The following GABRA3 variants were observed in gnomAD, a reference collection of about 807,000 sequenced individuals.
The protein encoded by GABRA3 is gamma-aminobutyric acid type A receptor subunit alpha3.
Under a neutral mutation model 30.1 loss-of-function variants are expected in GABRA3, and 10 were observed. That is an observed-to-expected ratio of 0.33 (90% confidence interval 0.20 to 0.56). The LOEUF (loss-of-function observed/expected upper bound fraction) is 0.56. Among genes scored for constraint, GABRA3 ranks in the 20% least tolerant of loss-of-function variants. The probability of loss-of-function intolerance (pLI) is 0.89; values close to 1 mark genes in which losing one functional copy is unlikely to be tolerated. For synonymous variants in GABRA3, 151 were observed against 146.8 expected, an observed-to-expected ratio of 1.03 and a Z score of -0.21; for missense variants, 233 against 392.0, an observed-to-expected ratio of 0.59 and a Z score of 3.42.
intron 3 of GABRA3, among the ~76,000 whole-genome samples, chrX:152,329,156 T>G: frequency 9.0e-6 from 1 of 111,628 alleles, no homozygotes; most frequent in Non-Finnish European, 1.9e-5. Context: ...GAAGGACCTC[T>G]TCAAGGAGAA....
At chrX:152,349,517 G>A (rs1259417039) in intron 2 of GABRA3, among the ~76,000 whole-genome samples, 7 of 109,287 alleles carry the variant, frequency 6.4e-5, no homozygotes, top group Non-Finnish European at 7.6e-5. Context: ...TGGCAAATTG[G>A]ATAAAGAGTC....
At chrX:152,380,134 C>A (rs1346926678) in intron 1 of GABRA3, among the ~76,000 whole-genome samples, 1 of 111,949 alleles carries the variant, frequency 8.9e-6, no homozygotes, top group East Asian at 2.8e-4. Context: ...TTTACTCCTT[C>A]ATTTTGAAAT....
At position 152,284,716 on chromosome X, in the gene GABRA3, C is replaced by A; in HGVS notation, c.282G>T (p.Lys94Asn). 1 of 1,190,656 alleles carries A rather than the reference C, an allele frequency of 8.4e-7. No individual in the cohort carries two copies. Among genetic ancestry groups the A allele is most frequent in the South Asian group, 1.8e-5 (1 of 56,313 alleles). The change falls in exon 4 of 10, where the codon AAG (lysine) becomes AAT (asparagine). Residue 94 changes from lysine (K) to asparagine (N), a missense_variant. Lys to Asn is a moderately conservative substitution (Grantham distance 94). Coordinates refer to ENST00000370314, the MANE Select transcript of GABRA3 (RefSeq NM_000808.4). ...PGLGDAVTEVKTDIYVTSFGP... is the reference protein window; with the variant it reads ...PGLGDAVTEVNTDIYVTSFGP... ...CAAAACTGGTCACGTAGATGTCAGT[C>A]TTCACTTCAGTCACTGCATCTGCGT... is the stretch of plus-strand genomic sequence containing the variant.
intron 9 of GABRA3, chrX:152,171,564 A>C (rs1445767358): frequency 8.8e-6 from 1 of 113,520 alleles, no homozygotes; most frequent in East Asian, 2.8e-4. Flanking sequence ...GACTGAGATG[A>C]CTTAACTTTG....
intron 5 of GABRA3, among the ~76,000 whole-genome samples, chrX:152,245,009 A>G (rs1938440473): frequency 3.6e-5 from 4 of 111,541 alleles, no homozygotes; most frequent in Non-Finnish European, 5.7e-5. Flanking sequence ...AGGTTCCCAC[A>G]CTAACTAGAA....
intron 3 of GABRA3, among the ~76,000 whole-genome samples, chrX:152,286,738 C>T (rs1939303800): frequency 8.9e-6 from 1 of 111,770 alleles, no homozygotes; most frequent in Non-Finnish European, 1.9e-5. Flanking sequence ...GGCCACTACA[C>T]TCATCCATAA....
chrX:152,304,832 G>C (rs1227080188), intron 3 of GABRA3, among the ~76,000 whole-genome samples: 2 of 111,541 alleles, frequency 1.8e-5, no homozygotes, highest in African/African-American at 6.5e-5. Context: ...AATTTTTCAA[G>C]TTCTGTGAAA....
At chrX:152,228,319 C>A (rs1938004288) in intron 5 of GABRA3, among the ~76,000 whole-genome samples, 1 of 111,879 alleles carries the variant, frequency 8.9e-6, no homozygotes, top group African/African-American at 3.2e-5. Flanking sequence ...CAAACATTTG[C>A]TTTTTCTGTC....
chrX:152,254,772 G>A (rs1344853526), intron 5 of GABRA3, among the ~76,000 whole-genome samples: 1 of 111,559 alleles, frequency 9.0e-6, no homozygotes, highest in African/African-American at 3.3e-5. Context: ...TTTGAGGTTT[G>A]TTCTGCAAAA....
intron 5 of GABRA3, among the ~76,000 whole-genome samples, chrX:152,226,411 C>T (rs1937955480): frequency 9.0e-6 from 1 of 111,439 alleles, no homozygotes; most frequent in African/African-American, 3.3e-5. Flanking sequence ...AAACCTAAGA[C>T]CTAAAACCAT....
chrX:152,293,855 G>C lies in GABRA3; in HGVS notation c.263-9120C>G, dbSNP rs150333152. 2.4e-3 allele frequency among the ~76,000 whole-genome samples: 272 copies of C among 111,476 alleles called. 2 individuals carry two copies. Among genetic ancestry groups the C allele is most frequent in the Non-Finnish European group, 4.3e-3 (226 of 53,100 alleles). On this transcript the variant is annotated intron_variant, in intron 3 of 9. Coordinates refer to ENST00000370314, the MANE Select transcript of GABRA3 (RefSeq NM_000808.4). ...AAAATCTCTCAGCATTTGCCTCTCT[G>C]TAAAGGATTTTATTTCTCCTTCAGT...
At chrX:152,190,764 A>G (rs764073566) in intron 8 of GABRA3, among the ~76,000 whole-genome samples, 87 of 110,234 alleles carry the variant, frequency 7.9e-4, no homozygotes, top group Non-Finnish European at 1.3e-3. Flanking sequence ...CTTTAGACCA[A>G]TTGATTCTTT....
chrX:152,345,300 A>T (rs1383397437), intron 3 of GABRA3, among the ~76,000 whole-genome samples: 1 of 111,743 alleles, frequency 8.9e-6, no homozygotes, highest in Admixed American at 9.5e-5. Flanking sequence ...ACCCATCATA[A>T]AGACAAAAAT....
chrX:152,286,318 C>T (rs1258225265), intron 3 of GABRA3, among the ~76,000 whole-genome samples: 1 of 109,198 alleles, frequency 9.2e-6, no homozygotes, highest in Non-Finnish European at 1.9e-5. Context: ...TTCCAGCGTA[C>T]CTCAAATGGA....
intron 1 of GABRA3, among the ~76,000 whole-genome samples, chrX:152,371,516 C>A (rs1478288864): frequency 9.0e-6 from 1 of 111,234 alleles, no homozygotes; most frequent in Non-Finnish European, 1.9e-5. Context: ...CTCTCCCACA[C>A]TTGTCAGTTT....
rs1022894575 is a variant in GABRA3 at position 152,347,936 on chromosome X, C to T, written c.141-2234G>A. On this transcript the variant is annotated intron_variant, in intron 2 of 9. Coordinates refer to ENST00000370314, the MANE Select transcript of GABRA3 (RefSeq NM_000808.4). ...TGGAGGATTACTTGAGCCTGGGAAG[C>T]GGAGGTTGCAGTGAGCTGAGATCAT... Among the ~76,000 whole-genome samples the T allele has an allele frequency of 2.7e-5, 3 of 111,407 alleles. No individual in the cohort carries two copies. In the South Asian group the frequency reaches 1.1e-3, roughly 42 times the overall value.
At chrX:152,330,227 AG>A (rs748443567) in intron 3 of GABRA3, among the ~76,000 whole-genome samples, 35 of 112,139 alleles carry the variant, frequency 3.1e-4, no homozygotes, top group African/African-American at 1.1e-3. Flanking sequence ...GTGGAGAAAT[AG>A]GAACACTTTT....
intron 9 of GABRA3, among the ~76,000 whole-genome samples, chrX:152,173,860 T>C (rs1937036880): frequency 9.0e-6 from 1 of 110,612 alleles, no homozygotes; most frequent in African/African-American, 3.3e-5. Flanking sequence ...TACATATGTA[T>C]ACATGTGCCA....
chrX:152,197,746 C>T lies in GABRA3; in HGVS notation c.818G>A (p.Arg273Gln), dbSNP rs772835335. ...CTGGATCACAAAGTAGCCAATTTTT[C>T]GCTTGAGATGGAAGTGGGTTGTCAT... ...VVMTTHFHLKRKIGYFVIQTY... is the reference protein window; with the variant it reads ...VVMTTHFHLKQKIGYFVIQTY... The change falls in exon 8 of 10, where the codon CGA (arginine) becomes CAA (glutamine). Residue 273 changes from arginine to glutamine, a missense_variant. By Grantham distance (43) the Arg-to-Gln change is conservative (BLOSUM62 1). Transcript: ENST00000370314. 1 of 1,209,405 alleles carries T rather than the reference C, an allele frequency of 8.3e-7. No homozygotes were observed. The highest frequency in any genetic ancestry group is 1.1e-6 in the Non-Finnish European group (1 of 893,723).
Sources: allele counts gnomAD v4.1 joint callset (sites outside exome capture counted in the v4.1 genomes callset), GRCh38; gene constraint gnomAD v4.1.1; transcripts MANE v1.5; gene names NCBI Gene and HGNC (gene_info 2026-07-23, HGNC 2026-07-21).